Variants in CA14 observed in about 807,000 individuals in gnomAD.
The protein encoded by CA14 is carbonic anhydrase 14, also known as CA-XIV.
A neutral mutation model predicts 48.8 loss-of-function variants in CA14; 44 were observed. The observed-to-expected ratio is 0.90, with a 90% confidence interval of 0.71 to 1.16. The LOEUF is 1.16. Among genes scored for constraint, CA14 ranks in the 50% most tolerant of loss-of-function variants. CA14 has a pLI of 0.00. For synonymous variants in CA14, 154 were observed against 155.0 expected (o/e 0.99, Z 0.05); for missense variants, 386 against 401.0 (o/e 0.96, Z 0.32).
At chr1:150,263,614 G>C in intron 8 of CA14, 45 bp from the exon 9 acceptor site, 1 of 1,613,026 alleles carries the variant, frequency 6.2e-7, no homozygotes, top group Non-Finnish European at 8.5e-7. Flanking sequence ...CTCCCAGCTG[G>C]GATGGGGATC....
At chr1:150,263,619 G>A in intron 8 of CA14, 40 bp from the exon 9 acceptor site, 1 of 1,613,128 alleles carries the variant, frequency 6.2e-7, no homozygotes, top group Non-Finnish European at 8.5e-7. Flanking sequence ...AGCTGGGATG[G>A]GGATCTGAAG....
chr1:150,261,637 A>G lies in CA14; in HGVS notation c.255A>G (p.Thr85=). ...TGGACCTGCACAACAATGGCCACACAGGTAAAAGCACAGGCTCCAAGGAGT... is the reference window on the plus strand; with the variant it reads ...TGGACCTGCACAACAATGGCCACACGGGTAAAAGCACAGGCTCCAAGGAGT... The part of the protein sequence containing the change: ...EPLDLHNNGH[T]VQLSLPSTLY... Residue 85 remains threonine, a splice_region_variant and synonymous_variant, in exon 3 of 11, where the codon ACA becomes ACG. Coordinates refer to ENST00000369111, the MANE Select transcript of CA14 (RefSeq NM_012113.3). The G allele has an allele frequency of 1.2e-6, 2 of 1,613,556 alleles. No individual in the cohort carries two copies. The highest frequency in any genetic ancestry group is 1.7e-6 in the Non-Finnish European group (2 of 1,179,650).
chr1:150,259,926 C>T (rs1304115385), intron 1 of CA14, among the ~76,000 whole-genome samples: 5 of 152,108 alleles, frequency 3.3e-5, no homozygotes, highest in Non-Finnish European at 4.4e-5. Context: ...CCCTTTTACT[C>T]GGCAGGCACC....
Position 150,264,787 on chromosome 1 carries a change from A to G in CA14, c.*128A>G. 1.6e-6 allele frequency: 1 copy of G among 619,866 alleles called. No homozygotes were observed. The highest frequency in any genetic ancestry group is 2.8e-6 in the Non-Finnish European group (1 of 361,250). 38.4% of individuals were successfully genotyped at this position (619,866 alleles called of 1,614,324 possible). A position where few individuals can be genotyped will look rare whatever the true frequency, so the allele number is the denominator to read the frequency against. The stretch of plus-strand genomic sequence containing the variant: ...TAAGCAGATGTCCTCCTTCCCCTGG[A>G]CATCTCCTAGAGAGGAATGGACCCA... On this transcript the variant is annotated 3_prime_UTR_variant, in exon 11 of 11. Coordinates refer to ENST00000369111, the MANE Select transcript of CA14 (RefSeq NM_012113.3).
intron 4 of CA14, 82 bp from the exon 5 acceptor site, chr1:150,262,443 C>A (rs919221417): frequency 2.0e-6 from 3 of 1,470,632 alleles, no homozygotes; most frequent in Non-Finnish European, 2.8e-6. Flanking sequence ...CCGGGGACAG[C>A]GGGGGGATGG....
intron 3 of CA14, 111 bp from the exon 4 acceptor site, chr1:150,262,047 C>T: frequency 2.4e-6 from 3 of 1,271,682 alleles, no homozygotes; most frequent in Non-Finnish European, 3.4e-6. Context: ...CTGGGTGCTA[C>T]TGGGGGAGAA....
intron 1 of CA14, among the ~76,000 whole-genome samples, chr1:150,259,040 A>G (rs1553847280): frequency 1.3e-5 from 2 of 152,148 alleles, no homozygotes; most frequent in East Asian, 1.9e-4. Flanking sequence ...AAGAGACAGA[A>G]TAAGTGTGTT....
intron 1 of CA14, 42 bp from the exon 2 acceptor site, chr1:150,260,109 C>G: frequency 1.2e-6 from 2 of 1,610,574 alleles, no homozygotes; most frequent in Non-Finnish European, 1.7e-6. Flanking sequence ...GGGTTCTGCC[C>G]CAGGCTGCGC....
At position 150,263,162 on chromosome 1, in the gene CA14, C is replaced by A. The variant is rs782742200; in HGVS notation, c.683C>A (p.Thr228Lys). 6.2e-7 allele frequency: 1 copy of A among 1,614,092 alleles called. No homozygotes were observed. The highest frequency in any genetic ancestry group is 1.1e-5 in the South Asian group (1 of 91,088). Residue 228 changes from threonine to lysine, a missense_variant, in exon 7 of 11, where the codon ACA (threonine) becomes AAA (lysine). Coordinates refer to ENST00000369111, the MANE Select transcript of CA14 (RefSeq NM_012113.3). ...TPPCYQSVLW[T>K]VFYRRSQISM... ...CCTTGCTACCAGAGTGTGCTCTGGA[C>A]AGTTTTTTATAGAAGGTCCCAGATT...
In CA14 at chr1:150,263,916, T is replaced by TTC. The variant is rs782116491; in HGVS notation, c.947+39_947+40insCT. ...TTTCCATTCCTCCAGTCCCTTCTTC[T>TTC]TTTTTTTTTTTTTTTTGGTAGGTGG... On this transcript the variant is annotated intron_variant, in intron 10 of 10. Coordinates refer to ENST00000369111, the MANE Select transcript of CA14 (RefSeq NM_012113.3). 8.9e-5 allele frequency: 46 copies of TTC among 515,112 alleles called. No individual in the cohort carries two copies. In the African/African-American group the frequency reaches 1.1e-3, roughly 12 times the overall value. 31.9% of individuals were successfully genotyped at this position (515,112 alleles called of 1,614,324 possible). A position where few individuals can be genotyped will look rare whatever the true frequency, so the allele number is the denominator to read the frequency against.
At position 150,261,450 on chromosome 1, in the gene CA14, C is replaced by T; in HGVS notation, c.77-9C>T. ...GGACAGGACCAATGTCTTTGGTAAC[C>T]CCCACCAGGCCCACATGGTCAGGAC... On this transcript the variant is annotated splice_polypyrimidine_tract_variant and intron_variant, in intron 2 of 10. Transcript: ENST00000369111. 2 of 1,612,720 alleles carry T rather than the reference C, an allele frequency of 1.2e-6. No individual in the cohort carries two copies. Among genetic ancestry groups the T allele is most frequent in the East Asian group, 2.2e-5 (1 of 44,862 alleles).
In CA14 at chr1:150,258,164, G is replaced by T. The variant is rs202060737; in HGVS notation, c.36G>T (p.Trp12Cys). The change falls in exon 1 of 11, where the codon TGG (tryptophan) becomes TGT (cysteine). Residue 12 changes from tryptophan to cysteine, a missense_variant. Physicochemically the swap from Trp to Cys is radical, Grantham distance 215. Coordinates refer to ENST00000369111, the MANE Select transcript of CA14 (RefSeq NM_012113.3). ...CCGCCCTCCTGCTGGAGGTGATTTG[G>T]ATCCTGGCTGCAGATGGGGGTAGGT... ...LFSALLLEVI[W>C]ILAADGGQHW... The T allele has an allele frequency of 1.3e-4, 202 of 1,611,340 alleles. No individual in the cohort carries two copies. The highest frequency in any genetic ancestry group is 1.6e-4 in the Non-Finnish European group (194 of 1,178,372).
At position 150,261,450 on chromosome 1, in the gene CA14, C is replaced by A; in HGVS notation, c.77-9C>A. On this transcript the variant is annotated splice_polypyrimidine_tract_variant and intron_variant, in intron 2 of 10. Coordinates refer to ENST00000369111, the MANE Select transcript of CA14 (RefSeq NM_012113.3). ...GGACAGGACCAATGTCTTTGGTAAC[C>A]CCCACCAGGCCCACATGGTCAGGAC... 6.2e-7 allele frequency: 1 copy of A among 1,612,720 alleles called. No individual in the cohort carries two copies. Among genetic ancestry groups the A allele is most frequent in the Non-Finnish European group, 8.5e-7 (1 of 1,179,154 alleles).
At position 150,262,572 on chromosome 1, in the gene CA14, G is replaced by A. The variant is rs74126633; in HGVS notation, c.447G>A (p.Glu149=). 6,905 of 1,614,036 alleles carry A rather than the reference G, an allele frequency of 4.3e-3. 235 individuals carry two copies. In the African/African-American group the frequency reaches 0.08, roughly 19 times the overall value. The change falls in exon 5 of 11, where the codon GAG becomes GAA. Residue 149 remains glutamate (E), a synonymous_variant. Transcript: ENST00000369111. ...YDSDSYDSLS[E]AAERPQGLAV... ...CTGATTCCTATGACAGCTTGAGTGA[G>A]GCTGCTGAGAGGCCTCAGGGCCTGG...
In CA14 at chr1:150,257,924, G is replaced by A; in HGVS notation, c.-205G>A. On this transcript the variant is annotated 5_prime_UTR_variant, in exon 1 of 11. Transcript: ENST00000369111. ...GCAAGAGATTTGTCCTGGGGATCCA[G>A]AAACCCATGATACCCTACTGAACAC... 2.5e-6 allele frequency: 1 copy of A among 395,344 alleles called. No individual in the cohort carries two copies. The highest frequency in any genetic ancestry group is 4.6e-6 in the Non-Finnish European group (1 of 216,076). 24.5% of individuals were successfully genotyped at this position (395,344 alleles called of 1,614,324 possible).
chr1:150,264,659 A>C lies in CA14; in HGVS notation c.1014A>C (p.Ter338TyrextTer32), dbSNP rs782466110. ...FTSAQATTEA[*>Y] Reference sequence around the variant, plus strand: ...CAGCACAAGCCACGACTGAGGCATAAATTCCTTCTCAGATACCATGGATGT... The same window carrying C: ...CAGCACAAGCCACGACTGAGGCATACATTCCTTCTCAGATACCATGGATGT... The change falls in exon 11 of 11, where the codon TAA becomes TAC. Residue 338 changes from the stop codon to tyrosine, a stop_lost. Coordinates refer to ENST00000369111, the MANE Select transcript of CA14 (RefSeq NM_012113.3). 9.9e-6 allele frequency: 16 copies of C among 1,611,518 alleles called. No individual in the cohort carries two copies. The highest frequency in any genetic ancestry group is 5.3e-5 in the African/African-American group (4 of 74,780).
At position 150,261,596 on chromosome 1, in the gene CA14, C is replaced by A. The variant is rs1553847847; in HGVS notation, c.214C>A (p.Pro72Thr). The change falls in exon 3 of 11, where the codon CCT (proline) becomes ACT (threonine). Residue 72 changes from proline to threonine, a missense_variant. Pro to Thr is a conservative substitution (Grantham distance 38). Transcript: ENST00000369111. ...TCTGCAGCCCCACGGATATGACCAG[C>A]CTGGCACCGAGCCTTTGGACCTGCA... ...PALQPHGYDQ[P>T]GTEPLDLHNN... is the part of the protein sequence containing the mutation. The A allele has an allele frequency of 6.2e-7, 1 of 1,614,046 alleles. No homozygotes were observed. The highest frequency in any genetic ancestry group is 1.1e-5 in the South Asian group (1 of 91,090).
intron 10 of CA14, 115 bp from the exon 11 acceptor site, chr1:150,264,478 T>C (rs1390666246): frequency 1.1e-5 from 7 of 651,922 alleles, no homozygotes; most frequent in Non-Finnish European, 1.6e-5. Context: ...GCTGGGATTA[T>C]AGGTGTGAAA....
In CA14 at chr1:150,264,857, A is replaced by C; in HGVS notation, c.*198A>C. The C allele has an allele frequency of 2.2e-6, 1 of 462,086 alleles. No individual in the cohort carries two copies. The highest frequency in any genetic ancestry group is 3.9e-6 in the Non-Finnish European group (1 of 257,686). The allele number at this position is 462,086 out of a possible 1,614,324, so 28.6% of individuals were successfully genotyped here. A position where few individuals can be genotyped will look rare whatever the true frequency, so the allele number is the denominator to read the frequency against. On this transcript the variant is annotated 3_prime_UTR_variant, in exon 11 of 11. Transcript: ENST00000369111. ...ACTGCAGAGCCTTCAGCCTCTCCAA[A>C]CATGTAGGAGGAAATGAGGAAATCG...
Sources: gnomAD v4.1 joint callset for allele counts (sites outside exome capture counted in the v4.1 genomes callset) on GRCh38, gnomAD v4.1.1 for gene constraint, MANE v1.5 for transcripts, NCBI Gene and HGNC (gene_info 2026-07-23, HGNC 2026-07-21) for gene names.